The following SPAG16 variants were observed in gnomAD, a reference collection of about 807,000 sequenced individuals.
SPAG16 encodes sperm associated antigen 16.
SPAG16 carries 86 observed loss-of-function variants against 80.4 expected under a neutral mutation model. The ratio of observed to expected loss-of-function variants is 1.07; its 90% CI spans 0.90 to 1.28. The LOEUF (loss-of-function observed/expected upper bound fraction) is 1.28. Ranked by LOEUF, SPAG16 falls within the 50% of genes most tolerant of loss-of-function variation. The probability of loss-of-function intolerance (pLI) is 0.00; values close to 1 mark genes in which losing one functional copy is unlikely to be tolerated. For synonymous variants in SPAG16, 294 were observed against 265.9 expected, an observed-to-expected ratio of 1.11 and a Z score of -1.03; for missense variants, 870 against 765.3, an observed-to-expected ratio of 1.14 and a Z score of -1.61.
At chr2:213,353,163 C>A (rs1413149412) in intron 7 of SPAG16, among the ~76,000 whole-genome samples, 2 of 152,210 alleles carry the variant, frequency 1.3e-5, no homozygotes, top group Admixed American at 1.3e-4. Flanking sequence ...TGGATAGCTC[C>A]TGGATAGTTC....
intron 1 of SPAG16, among the ~76,000 whole-genome samples, chr2:213,293,326 T>C (rs1275140705): frequency 6.6e-6 from 1 of 152,228 alleles, no homozygotes. Flanking sequence ...GAGAATGAAC[T>C]AATACGCATC....
At chr2:214,178,093 A>T (rs937391566) in intron 15 of SPAG16, among the ~76,000 whole-genome samples, 3 of 146,496 alleles carry the variant, frequency 2.0e-5, no homozygotes, top group Admixed American at 7.0e-5. Flanking sequence ...CACAGAAGAA[A>T]CTGAGAGGAA....
intron 15 of SPAG16, among the ~76,000 whole-genome samples, chr2:214,174,174 C>A (rs1205692337): frequency 6.6e-6 from 1 of 152,046 alleles, no homozygotes; most frequent in African/African-American, 2.4e-5. Flanking sequence ...TGGCACAAGA[C>A]AGGGATGCCC....
At position 213,763,024 on chromosome 2, in the gene SPAG16, A is replaced by G. The variant is rs961502651; in HGVS notation, c.1071-99461A>G. The stretch of plus-strand genomic sequence containing the variant: ...AGACATAAAAATGTTCAACAGGTGT[A>G]TGTAAAGGTGCTCACCATCACTAAT... On this transcript the variant is annotated intron_variant, in intron 10 of 15. Transcript: ENST00000331683. 2.4e-4 allele frequency among the ~76,000 whole-genome samples: 37 copies of G among 152,330 alleles called. 1 individual carries two copies. Among genetic ancestry groups the G allele is most frequent in the African/African-American group, 8.4e-4 (35 of 41,584 alleles).
chr2:213,479,821 A>T (rs568269935), intron 9 of SPAG16, among the ~76,000 whole-genome samples: 2 of 152,298 alleles, frequency 1.3e-5, no homozygotes, highest in African/African-American at 4.8e-5. Flanking sequence ...ACTCATATCT[A>T]TATCAAAAGG....
chr2:213,683,045 G>A (rs570607256), intron 10 of SPAG16, among the ~76,000 whole-genome samples: 13 of 152,216 alleles, frequency 8.5e-5, no homozygotes, highest in Admixed American at 3.3e-4. Flanking sequence ...TGGATATTGC[G>A]TCCTAATAAT....
chr2:213,491,448 C>T (rs1293311939), intron 10 of SPAG16, among the ~76,000 whole-genome samples: 2 of 152,234 alleles, frequency 1.3e-5, no homozygotes, highest in East Asian at 3.8e-4. Context: ...TTATCCTTCT[C>T]ATATTTCATC....
At chr2:213,616,390 C>A (rs2061598867) in intron 10 of SPAG16, among the ~76,000 whole-genome samples, 2 of 152,126 alleles carry the variant, frequency 1.3e-5, no homozygotes, top group Admixed American at 6.6e-5. Context: ...CTGCAGGAGG[C>A]CTTTTAAACA....
chr2:213,484,460 G>A (rs2073889518), intron 9 of SPAG16, among the ~76,000 whole-genome samples: 2 of 152,166 alleles, frequency 1.3e-5, no homozygotes, highest in African/African-American at 2.4e-5. Flanking sequence ...AGGTAGTGAT[G>A]TGTGAAGTTT....
chr2:213,349,751 G>A (rs548091530), intron 6 of SPAG16, among the ~76,000 whole-genome samples: 1 of 152,178 alleles, frequency 6.6e-6, no homozygotes, highest in Admixed American at 6.5e-5. Context: ...GTAAAGTAAT[G>A]TGGAATAATC....
intron 13 of SPAG16, among the ~76,000 whole-genome samples, chr2:214,065,993 C>T (rs964831403): frequency 6.6e-6 from 1 of 152,176 alleles, no homozygotes; most frequent in African/African-American, 2.4e-5. Context: ...TTTACTAGTG[C>T]AGATTATCAT....
At chr2:213,907,646 A>G (rs1378737409) in intron 11 of SPAG16, among the ~76,000 whole-genome samples, 2 of 152,220 alleles carry the variant, frequency 1.3e-5, no homozygotes, top group East Asian at 3.8e-4. Flanking sequence ...AGATGAATGG[A>G]TAAAGAAAAT....
At chr2:213,728,909 A>G (rs1295337376) in intron 10 of SPAG16, among the ~76,000 whole-genome samples, 8 of 112,970 alleles carry the variant, frequency 7.1e-5, no homozygotes, top group South Asian at 6.2e-4. Flanking sequence ...AAAAAAAAAA[A>G]AAAAAAAAAA....
intron 10 of SPAG16, among the ~76,000 whole-genome samples, chr2:213,718,149 CAAA>C (rs71063769): frequency 3.3e-5 from 3 of 92,250 alleles, no homozygotes; most frequent in Non-Finnish European, 5.9e-5. Flanking sequence ...AACAAGTTTA[CAAA>C]AAAAAAAAAA....
chr2:213,627,294 T>C (rs897563372), intron 10 of SPAG16, among the ~76,000 whole-genome samples: 1 of 152,156 alleles, frequency 6.6e-6, no homozygotes, highest in African/African-American at 2.4e-5. Context: ...AGGCAATAAA[T>C]TACAATCAGC....
At chr2:214,383,468 G>T (rs182644447) in intron 15 of SPAG16, among the ~76,000 whole-genome samples, 2 of 151,934 alleles carry the variant, frequency 1.3e-5, no homozygotes, top group African/African-American at 4.8e-5. Context: ...CTGCTTGGGA[G>T]GCTGAGGCAT....
intron 10 of SPAG16, among the ~76,000 whole-genome samples, chr2:213,661,884 G>A (rs2063439032): frequency 1.3e-5 from 2 of 152,066 alleles, no homozygotes; most frequent in African/African-American, 2.4e-5. Context: ...AGAAGAACCT[G>A]GTTTCTATAG....
At chr2:214,225,567 G>C (rs151042994) in intron 15 of SPAG16, among the ~76,000 whole-genome samples, 10 of 152,140 alleles carry the variant, frequency 6.6e-5, no homozygotes, top group African/African-American at 2.4e-4. Context: ...TATGTGACAG[G>C]CTTTTATTAT....
chr2:214,132,661 A>C (rs180715379), intron 14 of SPAG16, among the ~76,000 whole-genome samples: 1 of 152,344 alleles, frequency 6.6e-6, no homozygotes, highest in Admixed American at 6.5e-5. Context: ...TATCCCAGTC[A>C]GTGGAAACTA....
Sources: allele counts gnomAD v4.1 joint callset (sites outside exome capture counted in the v4.1 genomes callset), GRCh38; gene constraint gnomAD v4.1.1; transcripts MANE v1.5; gene names NCBI Gene and HGNC (gene_info 2026-07-23, HGNC 2026-07-21).